The following LTBP1 variants were observed in gnomAD, a reference collection of about 807,000 sequenced individuals.
LTBP1 encodes latent transforming growth factor beta binding protein 1.
In LTBP1, 129 loss-of-function variants were observed where a neutral mutation model predicts 207.6. The ratio of observed to expected loss-of-function variants is 0.62; its 90% CI spans 0.54 to 0.72. LTBP1 has a LOEUF of 0.72. Ranked by LOEUF, LTBP1 falls within the 30% of genes least tolerant of loss-of-function variation. The pLI is 0.00. For synonymous variants in LTBP1, 963 were observed against 833.7 expected (o/e 1.16, Z -2.67); for missense variants, 2,281 against 2,217.2 (o/e 1.03, Z -0.58).
intron 22 of LTBP1, among the ~76,000 whole-genome samples, chr2:33,307,268 A>T (rs2094113437): frequency 6.6e-6 from 1 of 152,212 alleles, no homozygotes; most frequent in Admixed American, 6.5e-5. Flanking sequence ...TGACCCATGC[A>T]TCGTTTTCCT....
intron 3 of LTBP1, among the ~76,000 whole-genome samples, chr2:33,093,540 G>A (rs1428179255): frequency 6.6e-6 from 1 of 151,868 alleles, no homozygotes; most frequent in Non-Finnish European, 1.5e-5. Context: ...CATGGGCTCC[G>A]CATTTGCCAG....
chr2:33,193,763 C>G (rs1248318648), intron 7 of LTBP1, among the ~76,000 whole-genome samples: 4 of 152,030 alleles, frequency 2.6e-5, no homozygotes, highest in African/African-American at 4.8e-5. Flanking sequence ...TGTTTTGGGG[C>G]ATCACAAACC....
At chr2:33,300,802 TAAG>T (rs1003577358) in intron 21 of LTBP1, among the ~76,000 whole-genome samples, 14 of 152,218 alleles carry the variant, frequency 9.2e-5, no homozygotes, top group Admixed American at 2.0e-4. Flanking sequence ...GCATTAGTAT[TAAG>T]AAGAAAAATT....
intron 2 of LTBP1, among the ~76,000 whole-genome samples, chr2:33,007,152 C>G (rs1393763894): frequency 6.6e-6 from 1 of 152,194 alleles, no homozygotes; most frequent in East Asian, 1.9e-4. Flanking sequence ...GCAACCTCTG[C>G]CTTCTGGGTT....
Position 33,251,456 on chromosome 2 carries a change from C to T in LTBP1, c.2000-1221C>T, listed in dbSNP as rs532755139. On this transcript the variant is annotated intron_variant, in intron 10 of 33. Coordinates refer to ENST00000404816, the MANE Select transcript of LTBP1 (RefSeq NM_206943.4). ...CGTGCGGATCACAAGGTCAGGAGAT[C>T]GAGAACATCCTGGCTAACACGGTGA... 3.2e-3 allele frequency among the ~76,000 whole-genome samples: 480 copies of T among 152,078 alleles called. 2 individuals are homozygous for T. The highest frequency in any genetic ancestry group is 5.2e-3 in the Non-Finnish European group (354 of 67,996).
chr2:33,025,365 A>T (rs1314346811), intron 3 of LTBP1, among the ~76,000 whole-genome samples: 1 of 152,248 alleles, frequency 6.6e-6, no homozygotes, highest in African/African-American at 2.4e-5. Flanking sequence ...ATAAGGTAAT[A>T]TAAAGCTCTA....
chr2:33,028,313 A>G (rs552902921), intron 3 of LTBP1, among the ~76,000 whole-genome samples: 1 of 152,216 alleles, frequency 6.6e-6, no homozygotes, highest in African/African-American at 2.4e-5. Context: ...AATATGACCA[A>G]TTATTCTGTG....
chr2:32,974,651 T>A (rs1453731561), intron 2 of LTBP1, among the ~76,000 whole-genome samples: 1 of 152,150 alleles, frequency 6.6e-6, no homozygotes, highest in Non-Finnish European at 1.5e-5. Context: ...CTTTTCTGAT[T>A]GTTGTTGGTT....
chr2:33,156,708 A>G (rs2084007023), intron 5 of LTBP1, among the ~76,000 whole-genome samples: 1 of 152,198 alleles, frequency 6.6e-6, no homozygotes, highest in Non-Finnish European at 1.5e-5. Context: ...ATATATAACA[A>G]TTGAACATAT....
chr2:33,383,502 T>C (rs982483152), intron 31 of LTBP1, among the ~76,000 whole-genome samples: 1 of 152,182 alleles, frequency 6.6e-6, no homozygotes, highest in South Asian at 2.1e-4. Flanking sequence ...GTAAGAAAAA[T>C]ACCTGGTCTA....
intron 31 of LTBP1, among the ~76,000 whole-genome samples, chr2:33,369,685 G>A (rs372095865): frequency 2.6e-5 from 4 of 152,046 alleles, no homozygotes; most frequent in South Asian, 4.1e-4. Context: ...TTACAGGCGC[G>A]CACCACCACA....
chr2:33,000,262 C>A lies in LTBP1; in HGVS notation c.566-20647C>A, dbSNP rs1356011756. ...AGGAATCAGAATGTTGTAGTGTAAA[C>A]ATATCTGAAAGCAATAACTTAAGCC... On this transcript the variant is annotated intron_variant, in intron 2 of 33. Transcript: ENST00000404816. Among the ~76,000 whole-genome samples the A allele has an allele frequency of 2.2e-5, 3 of 134,742 alleles. 1 individual carries two copies. Among genetic ancestry groups the A allele is most frequent in the Non-Finnish European group, 3.3e-5 (2 of 61,324 alleles). 88.4% of individuals were successfully genotyped at this position (134,742 alleles called of 152,430 possible).
At chr2:33,377,232 G>A (rs1437152607) in intron 31 of LTBP1, among the ~76,000 whole-genome samples, 5 of 152,176 alleles carry the variant, frequency 3.3e-5, no homozygotes, top group East Asian at 1.9e-4. Flanking sequence ...CCTGGATTGC[G>A]GGTGAGTCAG....
At chr2:33,082,691 C>T (rs939517541) in intron 3 of LTBP1, among the ~76,000 whole-genome samples, 1 of 152,122 alleles carries the variant, frequency 6.6e-6, no homozygotes, top group East Asian at 1.9e-4. Flanking sequence ...TCCCAAAGTG[C>T]CGGGATTACA....
At chr2:33,279,511 G>GTT (rs11363257) in intron 18 of LTBP1, among the ~76,000 whole-genome samples, 19 of 149,146 alleles carry the variant, frequency 1.3e-4, no homozygotes, top group Non-Finnish European at 2.4e-4. Context: ...CTCTCCTCAT[G>GTT]TTTTTTTTTT....
rs182098198 is a variant in LTBP1, at chr2:32,958,286, A to C, written c.565+9341A>C. On this transcript the variant is annotated intron_variant, in intron 2 of 33. Transcript: ENST00000404816. ...GCATTAGGTAATACATTAAAAACGCATAGAGAGCAGGGCCCCTGCACAGTA... is the reference window on the plus strand; with the variant it reads ...GCATTAGGTAATACATTAAAAACGCCTAGAGAGCAGGGCCCCTGCACAGTA... 1.4e-3 allele frequency among the ~76,000 whole-genome samples: 210 copies of C among 152,304 alleles called. 1 individual carries two copies. The highest frequency in any genetic ancestry group is 6.8e-3 in the Middle Eastern group (2 of 294).
At chr2:33,194,425 T>C (rs973900387) in intron 7 of LTBP1, among the ~76,000 whole-genome samples, 2 of 152,138 alleles carry the variant, frequency 1.3e-5, no homozygotes, top group South Asian at 4.1e-4. Context: ...TTGAAGGAAA[T>C]TAAAAGTGCT....
chr2:33,247,007 C>G (rs1021710010), intron 10 of LTBP1, among the ~76,000 whole-genome samples: 9 of 152,102 alleles, frequency 5.9e-5, no homozygotes, highest in Non-Finnish European at 1.3e-4. Context: ...AGTAGGAAGA[C>G]TTTCTGGCTT....
chr2:33,388,843 G>T (rs1455054834), intron 31 of LTBP1, among the ~76,000 whole-genome samples: 2 of 152,028 alleles, frequency 1.3e-5, no homozygotes, highest in African/African-American at 4.8e-5. Context: ...ACTCTTGATG[G>T]CTTTAGATAA....
Sources: allele counts gnomAD v4.1 joint callset (sites outside exome capture counted in the v4.1 genomes callset), GRCh38; gene constraint gnomAD v4.1.1; transcripts MANE v1.5; gene names NCBI Gene and HGNC (gene_info 2026-07-23, HGNC 2026-07-21).